INPP4B: variants seen among roughly 807,000 people sequenced by gnomAD.
INPP4B encodes inositol polyphosphate-4-phosphatase type II B.
In INPP4B, 55 loss-of-function variants were observed where a neutral mutation model predicts 122.5. The ratio of observed to expected loss-of-function variants is 0.45; its 90% confidence interval spans 0.36 to 0.56. The LOEUF is 0.56. Among genes scored for constraint, INPP4B ranks in the 20% least tolerant of loss-of-function variants. The probability of loss-of-function intolerance (pLI) is 0.00; values close to 1 mark genes in which losing one functional copy is unlikely to be tolerated. For synonymous variants in INPP4B, 403 were observed against 388.7 expected, an observed-to-expected ratio of 1.04 and a Z score of -0.43; for missense variants, 1,000 against 1,097.7, an observed-to-expected ratio of 0.91 and a Z score of 1.26.
At chr4:142,435,377 T>A (rs1810213424) in intron 3 of INPP4B, among the ~76,000 whole-genome samples, 1 of 151,906 alleles carries the variant, frequency 6.6e-6, no homozygotes, top group African/African-American at 2.4e-5. Flanking sequence ...TACCACAAAT[T>A]TAATTTTTTT....
At chr4:142,253,636 G>A (rs932732628) in intron 11 of INPP4B, among the ~76,000 whole-genome samples, 14 of 152,320 alleles carry the variant, frequency 9.2e-5, no homozygotes, top group African/African-American at 3.1e-4. Context: ...CGAATACTGT[G>A]CTTTTCCGAC....
chr4:142,134,761 C>A (rs1316024484), intron 18 of INPP4B, among the ~76,000 whole-genome samples: 7 of 129,646 alleles, frequency 5.4e-5, no homozygotes, highest in African/African-American at 2.1e-4. Context: ...CACACCATTG[C>A]ATTCCAGCCT....
At chr4:142,363,272 T>A (rs1297532520) in intron 7 of INPP4B, among the ~76,000 whole-genome samples, 1 of 151,896 alleles carries the variant, frequency 6.6e-6, no homozygotes, top group African/African-American at 2.4e-5. Context: ...ATATCAATTT[T>A]AAAAATTTCA....
intron 7 of INPP4B, among the ~76,000 whole-genome samples, chr4:142,328,742 T>G (rs1579750005): frequency 8.8e-6 from 1 of 113,792 alleles, no homozygotes; most frequent in South Asian, 2.9e-4. Flanking sequence ...TTTAAAATTT[T>G]GGAGTTTTTC....
chr4:142,656,476 C>T (rs971333552), intron 2 of INPP4B, among the ~76,000 whole-genome samples: 1 of 152,158 alleles, frequency 6.6e-6, no homozygotes, highest in Non-Finnish European at 1.5e-5. Context: ...CCCTGTGGAT[C>T]CTGGGCCTTT....
intron 15 of INPP4B, among the ~76,000 whole-genome samples, chr4:142,186,256 G>T (rs79509405): frequency 2.0e-5 from 3 of 152,150 alleles, no homozygotes; most frequent in African/African-American, 4.8e-5. Context: ...TAAATGCTTA[G>T]CATATATAAA....
At chr4:142,699,421 T>C (rs1474174854) in intron 2 of INPP4B, among the ~76,000 whole-genome samples, 2 of 152,206 alleles carry the variant, frequency 1.3e-5, no homozygotes, top group East Asian at 1.9e-4. Context: ...TGCTTCATTA[T>C]GCTCACTTGG....
At chr4:142,117,431 G>A (rs542715774) in intron 21 of INPP4B, among the ~76,000 whole-genome samples, 30 of 152,170 alleles carry the variant, frequency 2.0e-4, no homozygotes, top group Non-Finnish European at 2.6e-4. Context: ...CTGGCAAACC[G>A]AATCCAGCAG....
At chr4:142,398,445 T>A (rs111964380) in intron 7 of INPP4B, among the ~76,000 whole-genome samples, 1,755 of 73,540 alleles carry the variant, frequency 0.024, 46 homozygotes, top group African/African-American at 0.058. Context: ...TATATATATA[T>A]AAAACATATT....
intron 2 of INPP4B, among the ~76,000 whole-genome samples, chr4:142,646,045 G>A (rs777595473): frequency 2.0e-4 from 30 of 152,152 alleles, no homozygotes; most frequent in Non-Finnish European, 2.5e-4. Context: ...TGTGGCCAGG[G>A]TAAACTGAAG....
At chr4:142,415,278 G>GGA (rs1406395423) in intron 5 of INPP4B, among the ~76,000 whole-genome samples, 1 of 152,132 alleles carries the variant, frequency 6.6e-6, no homozygotes, top group Non-Finnish European at 1.5e-5. Context: ...AAAGGTTACA[G>GGA]GAAGGGTGGC....
intron 2 of INPP4B, among the ~76,000 whole-genome samples, chr4:142,610,814 C>T (rs1012075634): frequency 2.0e-5 from 3 of 152,070 alleles, no homozygotes; most frequent in African/African-American, 7.2e-5. Context: ...ACATTACAAA[C>T]TGAAAAGTTG....
At chr4:142,452,965 C>A (rs982177804) in intron 3 of INPP4B, among the ~76,000 whole-genome samples, 1 of 152,010 alleles carries the variant, frequency 6.6e-6, no homozygotes, top group African/African-American at 2.4e-5. Flanking sequence ...TGGATAAAGA[C>A]TTTTCAGTGC....
chr4:142,094,260 T>C (rs749101364), intron 23 of INPP4B, among the ~76,000 whole-genome samples: 7 of 152,170 alleles, frequency 4.6e-5, no homozygotes, highest in Non-Finnish European at 7.3e-5. Flanking sequence ...AATCCCCAGT[T>C]CAGTCTTCTT....
chr4:142,475,069 T>G (rs1278522765), intron 2 of INPP4B, among the ~76,000 whole-genome samples: 1 of 152,194 alleles, frequency 6.6e-6, no homozygotes, highest in East Asian at 1.9e-4. Flanking sequence ...AGATTAGAAC[T>G]GACCCAGAAA....
chr4:142,768,520 T>A (rs944463264), intron 1 of INPP4B, among the ~76,000 whole-genome samples: 3 of 152,178 alleles, frequency 2.0e-5, no homozygotes, highest in African/African-American at 7.2e-5. Context: ...GCCATGGAGA[T>A]GACTGAAATC....
chr4:142,740,679 T>C (rs1451180355), intron 1 of INPP4B, among the ~76,000 whole-genome samples: 2 of 151,718 alleles, frequency 1.3e-5, no homozygotes, highest in Non-Finnish European at 2.9e-5. Context: ...CCCAAAAGGG[T>C]GGACAATAAA....
chr4:142,305,453 C>A lies in INPP4B; in HGVS notation c.503+5G>T. The A allele has an allele frequency of 6.2e-7, 1 of 1,606,524 alleles. No individual in the cohort carries two copies. The highest frequency in any genetic ancestry group is 8.5e-7 in the Non-Finnish European group (1 of 1,174,630). On this transcript the variant is annotated splice_donor_5th_base_variant and intron_variant, in intron 9 of 25. Transcript: ENST00000262992. ...AACAGTATTTCTACAAACAAAGAGA[C>A]CCACCTCAGGCTCAGGACCAGCAAT...
intron 1 of INPP4B, among the ~76,000 whole-genome samples, chr4:142,814,610 ACCT>A (rs1334945127): frequency 3.9e-5 from 6 of 152,104 alleles, no homozygotes; most frequent in Non-Finnish European, 1.5e-5. Context: ...ATTTTGGCTG[ACCT>A]AAAAGCTACA....
Sources: allele counts gnomAD v4.1 joint callset (sites outside exome capture counted in the v4.1 genomes callset), GRCh38; gene constraint gnomAD v4.1.1; transcripts MANE v1.5; gene names NCBI Gene and HGNC (gene_info 2026-07-23, HGNC 2026-07-21).